The following SNAP25 variants were observed in gnomAD, a reference collection of about 807,000 sequenced individuals.
SNAP25 encodes synaptosomal-associated protein 25.
Under a neutral mutation model 28.7 loss-of-function variants are expected in SNAP25, and 3 were observed. The observed-to-expected ratio is 0.10, with a 90% CI of 0.05 to 0.27. SNAP25 has a LOEUF of 0.27. SNAP25 is among the 10% of genes least tolerant of loss of function. SNAP25 has a pLI of 1.00. For missense variants in SNAP25, 117 were observed against 278.7 expected (o/e 0.42, Z 4.13); for synonymous variants, 61 against 88.1 (o/e 0.69, Z 1.72).
At chr20:10,222,291 T>C (rs910766595) in intron 1 of SNAP25, among the ~76,000 whole-genome samples, 13 of 152,242 alleles carry the variant, frequency 8.5e-5, no homozygotes, top group Admixed American at 1.3e-4. Flanking sequence ...ATGTGATTAA[T>C]TTCCAAGTGA....
intron 1 of SNAP25, among the ~76,000 whole-genome samples, chr20:10,256,167 A>G (rs2063315679): frequency 6.6e-6 from 1 of 152,242 alleles, no homozygotes; most frequent in Admixed American, 6.5e-5. Flanking sequence ...TATCTCTAAG[A>G]AATAATAATA....
chr20:10,275,625 C>G, intron 2 of SNAP25, 62 bp downstream of exon 2: 1 of 1,370,562 alleles, frequency 7.3e-7, no homozygotes, highest in East Asian at 2.5e-5. Context: ...TTGTCTTATT[C>G]AGGTTCAGGT....
intron 1 of SNAP25, among the ~76,000 whole-genome samples, chr20:10,254,186 G>A (rs1021294246): frequency 4.6e-5 from 7 of 152,224 alleles, no homozygotes; most frequent in Non-Finnish European, 1.0e-4. Context: ...CATACAGAAA[G>A]TTGCTTCATC....
At chr20:10,221,604 C>G (rs1488006595) in intron 1 of SNAP25, among the ~76,000 whole-genome samples, 1 of 152,216 alleles carries the variant, frequency 6.6e-6, no homozygotes, top group Non-Finnish European at 1.5e-5. Context: ...AATTACAGAA[C>G]AATTTACAAT....
intron 3 of SNAP25, among the ~76,000 whole-genome samples, chr20:10,278,467 G>A (rs1002468106): frequency 1.3e-5 from 2 of 152,178 alleles, no homozygotes; most frequent in Non-Finnish European, 2.9e-5. Flanking sequence ...AAAATAAATG[G>A]ATTAATTGAA....
intron 2 of SNAP25, among the ~76,000 whole-genome samples, chr20:10,276,845 T>C (rs2063700332): frequency 6.6e-6 from 1 of 152,240 alleles, no homozygotes; most frequent in South Asian, 2.1e-4. Flanking sequence ...TTTGTGTATT[T>C]TTCCCAGAGA....
At chr20:10,261,625 A>G (rs2063415627) in intron 1 of SNAP25, among the ~76,000 whole-genome samples, 1 of 152,198 alleles carries the variant, frequency 6.6e-6, no homozygotes, top group Admixed American at 6.5e-5. Flanking sequence ...TATTAAACAA[A>G]CATAATTAGC....
chr20:10,243,321 A>G (rs1268804539), intron 1 of SNAP25, among the ~76,000 whole-genome samples: 3 of 152,228 alleles, frequency 2.0e-5, no homozygotes, highest in Non-Finnish European at 4.4e-5. Flanking sequence ...TAACATTATC[A>G]TGATACATCA....
chr20:10,223,390 A>G (rs1039546159), intron 1 of SNAP25, among the ~76,000 whole-genome samples: 2 of 152,214 alleles, frequency 1.3e-5, no homozygotes, highest in Non-Finnish European at 2.9e-5. Context: ...CGGTAGATAC[A>G]GATTTTACTG....
At chr20:10,224,261 T>C (rs2062691430) in intron 1 of SNAP25, among the ~76,000 whole-genome samples, 1 of 108,246 alleles carries the variant, frequency 9.2e-6, no homozygotes, top group East Asian at 2.5e-4. Context: ...ACATGTCTTT[T>C]TTTTTTTTTT....
At chr20:10,227,361 C>T (rs112746545) in intron 1 of SNAP25, among the ~76,000 whole-genome samples, 4,198 of 152,156 alleles carry the variant, frequency 0.028, 65 homozygotes, top group Middle Eastern at 0.092. Flanking sequence ...CAGTGCCTGC[C>T]ACACCCATGT....
chr20:10,229,848 G>A (rs1039224911), intron 1 of SNAP25, among the ~76,000 whole-genome samples: 8 of 152,206 alleles, frequency 5.3e-5, no homozygotes, highest in Admixed American at 1.3e-4. Context: ...ATAAACAGGG[G>A]TTAGTAATTA....
At chr20:10,264,796 T>C (rs1224438416) in intron 1 of SNAP25, among the ~76,000 whole-genome samples, 1 of 152,206 alleles carries the variant, frequency 6.6e-6, no homozygotes, top group Admixed American at 6.5e-5. Context: ...CTGTGGTTGT[T>C]GTTGAAAATG....
chr20:10,228,030 G>A (rs2062763165), intron 1 of SNAP25, among the ~76,000 whole-genome samples: 1 of 152,078 alleles, frequency 6.6e-6, no homozygotes, highest in Admixed American at 6.6e-5. Flanking sequence ...TCTTGCCTGG[G>A]AGAGAATCAT....
intron 1 of SNAP25, among the ~76,000 whole-genome samples, chr20:10,227,251 G>A (rs1480074569): frequency 1.3e-5 from 2 of 152,074 alleles, no homozygotes; most frequent in Non-Finnish European, 2.9e-5. Flanking sequence ...ACACTGCTTT[G>A]TAGTTACCTA....
At chr20:10,228,396 T>C (rs1271171524) in intron 1 of SNAP25, among the ~76,000 whole-genome samples, 1 of 152,122 alleles carries the variant, frequency 6.6e-6, no homozygotes, top group Non-Finnish European at 1.5e-5. Flanking sequence ...ACAAAATACA[T>C]TGAGATCCTC....
intron 3 of SNAP25, 34 bp from the exon 4 acceptor site, chr20:10,284,690 C>G: frequency 1.3e-6 from 2 of 1,564,216 alleles, no homozygotes; most frequent in Non-Finnish European, 1.8e-6. Flanking sequence ...CTCTCTAACT[C>G]CTTTTCAACT....
At chr20:10,292,381 C>T (rs922592991) in intron 4 of SNAP25, among the ~76,000 whole-genome samples, 2 of 152,186 alleles carry the variant, frequency 1.3e-5, no homozygotes, top group East Asian at 3.9e-4. Context: ...GAAAAGACAT[C>T]CATACCCATT....
At chr20:10,255,992 G>A (rs2063313421) in intron 1 of SNAP25, among the ~76,000 whole-genome samples, 1 of 152,088 alleles carries the variant, frequency 6.6e-6, no homozygotes, top group Non-Finnish European at 1.5e-5. Context: ...TGTTTCAAAG[G>A]GAGAACATGT....
Sources: gnomAD v4.1 joint callset for allele counts (sites outside exome capture counted in the v4.1 genomes callset) on GRCh38, gnomAD v4.1.1 for gene constraint, MANE v1.5 for transcripts, NCBI Gene and HGNC (gene_info 2026-07-23, HGNC 2026-07-21) for gene names.